SPAG17: variants seen among roughly 807,000 people sequenced by gnomAD.
The protein encoded by SPAG17 is sperm-associated antigen 17.
Under a neutral mutation model 273.6 loss-of-function variants are expected in SPAG17, and 169 were observed. The observed-to-expected ratio is 0.62, with a 90% CI of 0.55 to 0.70. The LOEUF is 0.70. Among genes scored for constraint, SPAG17 ranks in the 30% least tolerant of loss-of-function variants. The pLI is 0.00. For synonymous variants in SPAG17, 825 were observed against 873.2 expected (o/e 0.94, Z 0.97); for missense variants, 2,557 against 2,627.8 (o/e 0.97, Z 0.59).
Position 118,086,936 on chromosome 1 carries a change from G to GGT in SPAG17, c.1430_1431dup (p.His478ThrfsTer47). The stretch of plus-strand genomic sequence containing the variant: ...GACACAATGTGAGCTGCGATTCTGT[G>GGT]GTCTAGCCCGTCTGCTCTGGGGGAT... On this transcript the variant is annotated frameshift_variant, in exon 11 of 49. Transcript: ENST00000336338. LOFTEE classifies it high-confidence loss of function. 1.2e-6 allele frequency: 2 copies of GGT among 1,609,534 alleles called. No homozygotes were observed. Among genetic ancestry groups the GGT allele is most frequent in the Non-Finnish European group, 1.7e-6 (2 of 1,178,522 alleles).
At chr1:117,973,343 G>C in intron 44 of SPAG17, 82 bp downstream of exon 44, 1 of 1,517,716 alleles carries the variant, frequency 6.6e-7, no homozygotes, top group Non-Finnish European at 9.0e-7. Context: ...TACAAAAGGA[G>C]CAGGATTGAA....
intron 1 of SPAG17, among the ~76,000 whole-genome samples, chr1:118,180,847 A>G (rs890816338): frequency 1.3e-5 from 2 of 152,068 alleles, no homozygotes; most frequent in Non-Finnish European, 2.9e-5. Context: ...AAAAAAATGC[A>G]TGGACAAATT....
At chr1:118,173,808 C>T (rs1660536531) in intron 1 of SPAG17, among the ~76,000 whole-genome samples, 1 of 146,226 alleles carries the variant, frequency 6.8e-6, no homozygotes, top group South Asian at 2.1e-4. Context: ...TGCAGTGAGC[C>T]AACACTGTGC....
chr1:118,148,287 G>C (rs1025322164), intron 3 of SPAG17, among the ~76,000 whole-genome samples: 6 of 152,130 alleles, frequency 3.9e-5, no homozygotes, highest in African/African-American at 1.4e-4. Flanking sequence ...CACTGACTTC[G>C]TGGTGTTACA....
chr1:118,079,695 T>C (rs1400011001), intron 15 of SPAG17, among the ~76,000 whole-genome samples: 1 of 152,150 alleles, frequency 6.6e-6, no homozygotes, highest in African/African-American at 2.4e-5. Context: ...GGTTGATGTT[T>C]AGTTAATTAA....
chr1:117,985,922 T>A (rs149835336), intron 40 of SPAG17, among the ~76,000 whole-genome samples: 117 of 152,298 alleles, frequency 7.7e-4, no homozygotes, highest in African/African-American at 2.6e-3. Context: ...TCTTGACAAC[T>A]GCACATGCTA....
chr1:118,091,612 C>T lies in SPAG17; in HGVS notation c.1353G>A (p.Leu451=). 6.3e-7 allele frequency: 1 copy of T among 1,599,316 alleles called. No homozygotes were observed. The highest frequency in any genetic ancestry group is 8.6e-7 in the Non-Finnish European group (1 of 1,167,334). The change falls in exon 10 of 49, where the codon CTG becomes CTA. Residue 451 remains leucine (L), a synonymous_variant. Coordinates refer to ENST00000336338, the MANE Select transcript of SPAG17 (RefSeq NM_206996.4). ...ISVPLILHCM[L]EQVVATEEDL... is the part of the protein sequence containing the mutation. The stretch of plus-strand genomic sequence containing the variant: ...TGGGAAAAAGCCTCCCCACCTGTTC[C>T]AGCATACAATGCAGTATCAGGGGCA...
chr1:117,968,014 C>T (rs1364821877), intron 46 of SPAG17, among the ~76,000 whole-genome samples: 2 of 152,210 alleles, frequency 1.3e-5, no homozygotes, highest in Non-Finnish European at 2.9e-5. Flanking sequence ...TATCCAGCAG[C>T]AGACCCTTCT....
rs914894764 is a variant in SPAG17, at chr1:118,081,579, A to C, written c.1826T>G (p.Leu609Arg). 1.9e-6 allele frequency: 3 copies of C among 1,613,872 alleles called. No homozygotes were observed. In the African/African-American group the frequency reaches 4.0e-5, roughly 22 times the overall value. The change falls in exon 14 of 49, where the codon CTC (leucine) becomes CGC (arginine). Residue 609 changes from leucine to arginine, a missense_variant. Physicochemically the swap from Leu to Arg is moderately radical, Grantham distance 102 (BLOSUM62 -2). Coordinates refer to ENST00000336338, the MANE Select transcript of SPAG17 (RefSeq NM_206996.4). ...TTTCCCTTTTTCATCAACCTCAGAG[A>C]GCTTCAGGCTCTCAAAAGTAAACAC... is the stretch of plus-strand genomic sequence containing the variant. Reference protein sequence around the residue: ...FKVFTFESLKLSEVDEKGKLK... With the variant: ...FKVFTFESLKRSEVDEKGKLK...
Position 118,016,110 on chromosome 1 carries a change from T to G in SPAG17, c.4142A>C (p.Gln1381Pro), listed in dbSNP as rs1283944005. 1 of 1,614,100 alleles carries G rather than the reference T, an allele frequency of 6.2e-7. No individual in the cohort carries two copies. The highest frequency in any genetic ancestry group is 1.3e-5 in the African/African-American group (1 of 75,060). Residue 1381 changes from glutamine to proline, a missense_variant, in exon 29 of 49, where the codon CAA becomes CCA. By Grantham distance (76) the Gln-to-Pro change is moderately conservative. Transcript: ENST00000336338. The part of the protein sequence containing the change: ...EIHDPPPEAV[Q>P]TVTPVEVHIG... ...GTGAACCTCCACAGGAGTTACAGTT[T>G]GAACTGCCTCTGGAGGAGGGTCATG... is the stretch of plus-strand genomic sequence containing the variant.
chr1:118,153,713 G>A (rs956251356), intron 1 of SPAG17, among the ~76,000 whole-genome samples: 1 of 152,094 alleles, frequency 6.6e-6, no homozygotes, highest in Non-Finnish European at 1.5e-5. Flanking sequence ...GCCGGGTGTG[G>A]TGGAGGGTGC....
chr1:118,124,962 A>G (rs1195603318), intron 3 of SPAG17, among the ~76,000 whole-genome samples: 1 of 152,092 alleles, frequency 6.6e-6, no homozygotes. Context: ...GTCCCTCCCC[A>G]GTCTCCATGG....
chr1:118,080,392 G>C (rs1034317927), intron 15 of SPAG17, among the ~76,000 whole-genome samples: 2 of 152,160 alleles, frequency 1.3e-5, no homozygotes, highest in Admixed American at 6.5e-5. Flanking sequence ...AGAGTAAATA[G>C]GCCTAATTCT....
chr1:118,025,971 G>T (rs1262953463), intron 26 of SPAG17, among the ~76,000 whole-genome samples: 1 of 152,096 alleles, frequency 6.6e-6, no homozygotes, highest in Non-Finnish European at 1.5e-5. Context: ...TAAAATCCAG[G>T]ACAAATTGAG....
At chr1:117,983,969 G>A (rs4347199) in intron 41 of SPAG17, 56 bp from the exon 42 acceptor site, 715,173 of 798,480 alleles carry the variant, frequency 0.9, 321,435 homozygotes, top group African/African-American at 0.95. Flanking sequence ...TTCAACTGTC[G>A]CAAATATGTT....
At chr1:118,064,516 C>G (rs772802779) in intron 18 of SPAG17, among the ~76,000 whole-genome samples, 1 of 145,156 alleles carries the variant, frequency 6.9e-6, no homozygotes, top group Non-Finnish European at 1.5e-5. Context: ...TGTTCTCACT[C>G]ATAGGTCGGA....
chr1:118,061,009 C>T (rs944169764), intron 18 of SPAG17, among the ~76,000 whole-genome samples: 2 of 152,076 alleles, frequency 1.3e-5, no homozygotes, highest in African/African-American at 4.8e-5. Context: ...TTCACTTATA[C>T]TGGGATGGTT....
At chr1:118,012,507 C>T (rs1335520812) in intron 29 of SPAG17, 135 bp from the exon 30 acceptor site, 1 of 895,948 alleles carries the variant, frequency 1.1e-6, no homozygotes, top group Non-Finnish European at 1.7e-6. Flanking sequence ...TTTATCTCAT[C>T]TACCTGATCT....
intron 30 of SPAG17, among the ~76,000 whole-genome samples, chr1:118,008,731 T>C (rs545031307): frequency 2.5e-4 from 38 of 152,294 alleles, no homozygotes; most frequent in African/African-American, 8.9e-4. Flanking sequence ...GTAATTACTG[T>C]ACTGTCATTC....
Sources: gnomAD v4.1 joint callset for allele counts (sites outside exome capture counted in the v4.1 genomes callset) on GRCh38, gnomAD v4.1.1 for gene constraint, MANE v1.5 for transcripts, NCBI Gene and HGNC (gene_info 2026-07-23, HGNC 2026-07-21) for gene names.